The following SORCS3 variants were observed in gnomAD, a reference collection of about 807,000 sequenced individuals.
The protein encoded by SORCS3 is sortilin related VPS10 domain containing receptor 3, also known as VPS10 domain-containing receptor SorCS3.
SORCS3 carries 57 observed loss-of-function variants against 146.3 expected under a neutral mutation model. That is an observed-to-expected ratio of 0.39 (90% CI 0.31 to 0.49). SORCS3 has a LOEUF of 0.49. SORCS3 is among the 20% of genes least tolerant of loss of function. The pLI, the probability that SORCS3 is intolerant of heterozygous loss-of-function variation, is 0.92. For missense variants in SORCS3, 1,341 were observed against 1,575.5 expected, an observed-to-expected ratio of 0.85 and a Z score of 2.52; for synonymous variants, 653 against 618.5, an observed-to-expected ratio of 1.06 and a Z score of -0.83.
intron 1 of SORCS3, among the ~76,000 whole-genome samples, chr10:104,792,884 G>A (rs1589501104): frequency 6.6e-6 from 1 of 151,962 alleles, no homozygotes; most frequent in Non-Finnish European, 1.5e-5. Flanking sequence ...CAATGTCTGT[G>A]TTCTTACTTT....
chr10:104,949,601 A>T (rs1304616486), intron 3 of SORCS3, among the ~76,000 whole-genome samples: 4 of 152,226 alleles, frequency 2.6e-5, no homozygotes, highest in Admixed American at 2.0e-4. Flanking sequence ...AAGATAGGTT[A>T]TAAGGAGAAT....
chr10:104,884,382 A>C (rs1276188661), intron 2 of SORCS3, among the ~76,000 whole-genome samples: 1 of 152,214 alleles, frequency 6.6e-6, no homozygotes, highest in African/African-American at 2.4e-5. Flanking sequence ...AAAGCAATCC[A>C]ACATCTAGGA....
At chr10:104,866,511 C>T (rs201941805) in intron 2 of SORCS3, among the ~76,000 whole-genome samples, 1 of 152,052 alleles carries the variant, frequency 6.6e-6, no homozygotes, top group East Asian at 1.9e-4. Flanking sequence ...AATTTTGGTG[C>T]TTGGAAAAAT....
At chr10:104,761,253 G>A (rs569782979) in intron 1 of SORCS3, among the ~76,000 whole-genome samples, 1 of 152,246 alleles carries the variant, frequency 6.6e-6, no homozygotes. Flanking sequence ...TACTACAGTG[G>A]CATTTTAATG....
chr10:104,842,965 T>C lies in SORCS3; in HGVS notation c.695+106T>C, dbSNP rs1253681488. On this transcript the variant is annotated intron_variant, in intron 2 of 26. Coordinates refer to ENST00000369701, the MANE Select transcript of SORCS3 (RefSeq NM_014978.3). The stretch of plus-strand genomic sequence containing the variant: ...GACTGGAAGGAGCAGAAGATAGTCC[T>C]CTTCCTGGAAGCTCATGTTAATGCT... 6.9e-6 allele frequency: 6 copies of C among 875,798 alleles called. No homozygotes were observed. In the East Asian group the frequency reaches 9.7e-5, roughly 14 times the overall value. 54.3% of individuals were successfully genotyped at this position (875,798 alleles called of 1,614,324 possible). A position where few individuals can be genotyped will look rare whatever the true frequency, so the allele number is the denominator to read the frequency against.
At chr10:104,938,916 G>A (rs1276023272) in intron 3 of SORCS3, among the ~76,000 whole-genome samples, 1 of 152,196 alleles carries the variant, frequency 6.6e-6, no homozygotes, top group Non-Finnish European at 1.5e-5. Flanking sequence ...TTCCCTGGAC[G>A]AGGCCTGTGG....
At chr10:105,110,977 C>A (rs951782833) in intron 7 of SORCS3, among the ~76,000 whole-genome samples, 1 of 152,074 alleles carries the variant, frequency 6.6e-6, no homozygotes, top group Non-Finnish European at 1.5e-5. Context: ...AGGGTGAAAT[C>A]CAATTTCCTT....
chr10:105,191,872 G>C (rs1476428825), intron 14 of SORCS3, among the ~76,000 whole-genome samples: 1 of 152,286 alleles, frequency 6.6e-6, no homozygotes, highest in South Asian at 2.1e-4. Context: ...ACCTCCTGCT[G>C]TGCGGCCCTG....
intron 1 of SORCS3, among the ~76,000 whole-genome samples, chr10:104,778,348 TATTTGGG>T: frequency 6.6e-6 from 1 of 152,358 alleles, no homozygotes; most frequent in East Asian, 1.9e-4. Flanking sequence ...ACATTGGGCC[TATTTGGG>T]GAAATAATGG....
intron 19 of SORCS3, among the ~76,000 whole-genome samples, chr10:105,219,289 CAA>C (rs1237390205): frequency 6.6e-6 from 1 of 152,204 alleles, no homozygotes; most frequent in Non-Finnish European, 1.5e-5. Flanking sequence ...TTTCTCCCCA[CAA>C]AGTCACACAG....
chr10:105,127,600 A>G (rs1412497452), intron 7 of SORCS3, among the ~76,000 whole-genome samples: 2 of 152,154 alleles, frequency 1.3e-5, no homozygotes, highest in African/African-American at 4.8e-5. Context: ...CTCAACAAAT[A>G]TTAGTTGTTA....
At chr10:105,038,526 T>C (rs2055319947) in intron 4 of SORCS3, among the ~76,000 whole-genome samples, 1 of 152,148 alleles carries the variant, frequency 6.6e-6, no homozygotes, top group Non-Finnish European at 1.5e-5. Context: ...ACATGGTAAT[T>C]AGAAATTTAC....
chr10:104,926,150 C>T (rs1295450022), intron 3 of SORCS3, among the ~76,000 whole-genome samples: 1 of 152,112 alleles, frequency 6.6e-6, no homozygotes, highest in Non-Finnish European at 1.5e-5. Context: ...GATGCAGCTC[C>T]CAGAGGCTTG....
intron 1 of SORCS3, among the ~76,000 whole-genome samples, chr10:104,825,399 A>G (rs2017923933): frequency 6.6e-6 from 1 of 152,204 alleles, no homozygotes; most frequent in Admixed American, 6.5e-5. Context: ...TTCTACACTA[A>G]AACTTTCTGG....
chr10:104,891,277 G>A (rs1589538329), intron 2 of SORCS3, among the ~76,000 whole-genome samples: 1 of 152,258 alleles, frequency 6.6e-6, no homozygotes, highest in South Asian at 2.1e-4. Context: ...CTTTCAGGCG[G>A]TTCTTTTTCT....
intron 3 of SORCS3, among the ~76,000 whole-genome samples, chr10:104,958,166 C>T (rs772817405): frequency 6.6e-5 from 10 of 152,136 alleles, no homozygotes; most frequent in Non-Finnish European, 1.0e-4. Flanking sequence ...TTTGCTATGT[C>T]ACCAATACAG....
chr10:104,977,463 C>G lies in SORCS3; in HGVS notation c.924C>G (p.Asp308Glu), dbSNP rs778211794. 3.1e-6 allele frequency: 5 copies of G among 1,612,634 alleles called. No homozygotes were observed. The highest frequency in any genetic ancestry group is 4.2e-6 in the Non-Finnish European group (5 of 1,179,568). ...TGCTCTTTCATCCCAAGCAAGAGGA[C>G]TGGGTGCTGGCCTACAGTTTGGATC... ...QSLLFHPKQE[D>E]WVLAYSLDQK... The change falls in exon 4 of 27, where the codon GAC becomes GAG. Residue 308 changes from aspartate to glutamate, a missense_variant. Coordinates refer to ENST00000369701, the MANE Select transcript of SORCS3 (RefSeq NM_014978.3).
At chr10:104,998,261 C>T (rs1458228778) in intron 4 of SORCS3, among the ~76,000 whole-genome samples, 2 of 151,972 alleles carry the variant, frequency 1.3e-5, no homozygotes, top group Non-Finnish European at 2.9e-5. Context: ...TCTCTTTTTC[C>T]CAGATGTGTT....
intron 4 of SORCS3, among the ~76,000 whole-genome samples, chr10:105,010,791 G>T (rs757776793): frequency 3.3e-5 from 5 of 152,068 alleles, no homozygotes; most frequent in Admixed American, 6.6e-5. Context: ...GGAGGGGCAG[G>T]CTAGGGTCAA....
Sources: allele counts gnomAD v4.1 joint callset (sites outside exome capture counted in the v4.1 genomes callset), GRCh38; gene constraint gnomAD v4.1.1; transcripts MANE v1.5; gene names NCBI Gene and HGNC (gene_info 2026-07-23, HGNC 2026-07-21).